TNFSF4: variants seen among roughly 807,000 people sequenced by gnomAD.
TNFSF4 encodes tumor necrosis factor ligand superfamily member 4.
A neutral mutation model predicts 7.3 loss-of-function variants in TNFSF4; 4 were observed. The observed-to-expected ratio is 0.55, with a 90% CI of 0.27 to 1.25. The LOEUF is 1.25. TNFSF4 is among the 50% of genes most tolerant of loss of function. The probability of loss-of-function intolerance (pLI) is 0.12; values close to 1 mark genes in which losing one functional copy is unlikely to be tolerated. For missense variants in TNFSF4, 181 were observed against 208.8 expected, an observed-to-expected ratio of 0.87 and a Z score of 0.82; for synonymous variants, 76 against 83.7, an observed-to-expected ratio of 0.91 and a Z score of 0.50.
At chr1:173,383,677 T>C in the TNFSF4 span, among the ~76,000 whole-genome samples, 2 of 151,072 alleles carry the variant, frequency 1.3e-5, no homozygotes, top group African/African-American at 2.5e-5. Flanking sequence ...AATTTAATCA[T>C]ACTGTAGATT....
At chr1:173,368,632 C>T in the TNFSF4 span, among the ~76,000 whole-genome samples, 10 of 152,056 alleles carry the variant, frequency 6.6e-5, no homozygotes, top group East Asian at 1.9e-4. Flanking sequence ...AACCAGATTC[C>T]GCTTTCCCTG....
Position 173,186,455 on chromosome 1 carries a change from C to T in TNFSF4, c.*61G>A. On this transcript the variant is annotated 3_prime_UTR_variant, in exon 3 of 3. Transcript: ENST00000281834. ...TCACTTGCAATGAAGAATCCATGCC[C>T]TGTCCACCCCCAGCTTGGTGTTCAT... 2 of 1,387,848 alleles carry T rather than the reference C, an allele frequency of 1.4e-6. No homozygotes were observed. Among genetic ancestry groups the T allele is most frequent in the Non-Finnish European group, 2.0e-6 (2 of 1,004,634 alleles). 86.0% of individuals were successfully genotyped at this position (1,387,848 alleles called of 1,614,324 possible).
chr1:173,296,568 G>T, the TNFSF4 span, among the ~76,000 whole-genome samples: 2 of 151,886 alleles, frequency 1.3e-5, no homozygotes, highest in East Asian at 3.9e-4. Flanking sequence ...TTTTTTAACT[G>T]GCAGGAGAGA....
the TNFSF4 span, among the ~76,000 whole-genome samples, chr1:173,274,722 T>C: frequency 6.6e-6 from 1 of 152,140 alleles, no homozygotes; most frequent in Non-Finnish European, 1.5e-5. Flanking sequence ...AGAAAATTAA[T>C]ACAGTAAGAA....
chr1:173,255,327 T>C, the TNFSF4 span, among the ~76,000 whole-genome samples: 2 of 152,216 alleles, frequency 1.3e-5, no homozygotes, highest in Non-Finnish European at 2.9e-5. Context: ...AAAATTTAAT[T>C]ATATAAGAAA....
In TNFSF4 at chr1:173,184,183, C is replaced by G. The variant is rs1649127128; in HGVS notation, c.*2333G>C. 1 of 152,166 alleles carries G rather than the reference C, an allele frequency of 6.6e-6. No individual in the cohort carries two copies. Among genetic ancestry groups the G allele is most frequent in the African/African-American group, 2.4e-5 (1 of 41,436 alleles). 9.4% of individuals were successfully genotyped at this position (152,166 alleles called of 1,614,324 possible). On this transcript the variant is annotated 3_prime_UTR_variant, in exon 3 of 3. Coordinates refer to ENST00000281834, the MANE Select transcript of TNFSF4 (RefSeq NM_003326.5). ...ATTTAACAGAAAGAAAAGCAAGACCCAGAAATGGGAAATGACTTTCCCAAG... is the reference window on the plus strand; with the variant it reads ...ATTTAACAGAAAGAAAAGCAAGACCGAGAAATGGGAAATGACTTTCCCAAG...
intron 1 of TNFSF4, among the ~76,000 whole-genome samples, chr1:173,199,093 T>C (rs1249675329): frequency 6.6e-6 from 1 of 152,212 alleles, no homozygotes; most frequent in Non-Finnish European, 1.5e-5. Context: ...GTACCCTCTT[T>C]GGTTATCCAG....
the TNFSF4 span, among the ~76,000 whole-genome samples, chr1:173,382,896 ACACACACACACAC>A: frequency 4.6e-5 from 7 of 151,910 alleles, no homozygotes; most frequent in South Asian, 6.3e-4. Flanking sequence ...ACACACACAC[ACACACACACACAC>A]AAAGGTGCGT....
the TNFSF4 span, among the ~76,000 whole-genome samples, chr1:173,384,121 C>T: frequency 6.6e-6 from 1 of 152,172 alleles, no homozygotes; most frequent in Admixed American, 6.5e-5. Flanking sequence ...TCAGTACATT[C>T]ATTCATTGAA....
the TNFSF4 span, among the ~76,000 whole-genome samples, chr1:173,426,590 T>C: frequency 6.6e-6 from 1 of 152,250 alleles, no homozygotes; most frequent in African/African-American, 2.4e-5. Context: ...CATGGGTTCA[T>C]TTTTTAAATT....
chr1:173,382,170 T>C, the TNFSF4 span, among the ~76,000 whole-genome samples: 1 of 152,100 alleles, frequency 6.6e-6, no homozygotes, highest in Non-Finnish European at 1.5e-5. Context: ...GCAGCTTCAC[T>C]CCTGAAGTCA....
the TNFSF4 span, among the ~76,000 whole-genome samples, chr1:173,235,694 T>A: frequency 6.6e-6 from 1 of 152,246 alleles, no homozygotes; most frequent in African/African-American, 2.4e-5. Flanking sequence ...TCCTTCTCTA[T>A]CACTTTTATG....
intron 1 of TNFSF4, among the ~76,000 whole-genome samples, chr1:173,196,635 C>G (rs1399340383): frequency 6.6e-6 from 1 of 152,204 alleles, no homozygotes; most frequent in East Asian, 1.9e-4. Context: ...CAATTAGCAA[C>G]TGACAGATTC....
At chr1:173,320,948 G>A in the TNFSF4 span, among the ~76,000 whole-genome samples, 11 of 152,142 alleles carry the variant, frequency 7.2e-5, no homozygotes, top group African/African-American at 2.7e-4. Context: ...AGCTACCAGT[G>A]ACTTTCTTCC....
At chr1:173,396,001 C>T in the TNFSF4 span, among the ~76,000 whole-genome samples, 73 of 152,136 alleles carry the variant, frequency 4.8e-4, no homozygotes, top group Non-Finnish European at 9.7e-4. Flanking sequence ...GGCACCACCC[C>T]AGGCAACTGT....
the TNFSF4 span, among the ~76,000 whole-genome samples, chr1:173,265,397 T>C: frequency 1.3e-5 from 2 of 152,192 alleles, no homozygotes; most frequent in Non-Finnish European, 2.9e-5. Context: ...ATACTCAGCT[T>C]ATACACTGCT....
At chr1:173,177,243 A>G in the TNFSF4 span, among the ~76,000 whole-genome samples, 3 of 152,220 alleles carry the variant, frequency 2.0e-5, no homozygotes, top group Non-Finnish European at 4.4e-5. Context: ...ATATATACAC[A>G]ATGGAATACT....
downstream of TNFSF4, among the ~76,000 whole-genome samples, chr1:173,182,763 G>A (rs1649077959): frequency 6.6e-6 from 1 of 152,158 alleles, no homozygotes; most frequent in Non-Finnish European, 1.5e-5. Flanking sequence ...TTGATTGAAG[G>A]CACAAGAATC....
chr1:173,375,081 A>G, the TNFSF4 span, among the ~76,000 whole-genome samples: 15 of 152,244 alleles, frequency 9.9e-5, no homozygotes, highest in Non-Finnish European at 1.9e-4. Context: ...GGAGTTGGGC[A>G]ACATGGCTTC....
Sources: gnomAD v4.1 joint callset for allele counts (sites outside exome capture counted in the v4.1 genomes callset) on GRCh38, gnomAD v4.1.1 for gene constraint, MANE v1.5 for transcripts, NCBI Gene and HGNC (gene_info 2026-07-23, HGNC 2026-07-21) for gene names.